KCNMA1: variants seen among roughly 807,000 people sequenced by gnomAD.
KCNMA1 encodes the protein potassium calcium-activated channel subfamily M alpha 1.
A neutral mutation model predicts 140.0 loss-of-function variants in KCNMA1; 29 were observed. That is an observed-to-expected ratio of 0.21 (90% CI 0.15 to 0.28). KCNMA1 has a LOEUF of 0.28. KCNMA1 is among the 10% of genes least tolerant of loss of function. The pLI is 1.00. For synonymous variants in KCNMA1, 612 were observed against 611.9 expected, an observed-to-expected ratio of 1.00 and a Z score of 0.00; for missense variants, 880 against 1,602.2, an observed-to-expected ratio of 0.55 and a Z score of 7.70.
At chr10:77,626,784 A>T (rs1054182763) in intron 1 of KCNMA1, among the ~76,000 whole-genome samples, 4 of 152,174 alleles carry the variant, frequency 2.6e-5, no homozygotes, top group African/African-American at 2.4e-5. Context: ...TGAAGAGCTA[A>T]AATTTTCCAA....
At position 77,629,451 on chromosome 10, in the gene KCNMA1, T is replaced by C. The variant is rs536639302; in HGVS notation, c.378+7814A>G. 3.3e-5 allele frequency among the ~76,000 whole-genome samples: 5 copies of C among 152,310 alleles called. No homozygotes were observed. The East Asian group carries it at 9.6e-4, about 29-fold the overall frequency. Reference sequence around the variant, plus strand: ...ATCTCTTTCACCAGGAGTTTCTCCATAGCATCTAACAAATTACCCAAAAAA... The same window carrying C: ...ATCTCTTTCACCAGGAGTTTCTCCACAGCATCTAACAAATTACCCAAAAAA... On this transcript the variant is annotated intron_variant, in intron 1 of 27. Coordinates refer to ENST00000286628, the MANE Select transcript of KCNMA1 (RefSeq NM_001161352.2).
At chr10:76,897,339 T>C (rs2043025196) in intron 25 of KCNMA1, among the ~76,000 whole-genome samples, 1 of 151,430 alleles carries the variant, frequency 6.6e-6, no homozygotes, top group Admixed American at 6.6e-5. Flanking sequence ...CTGTACTCGG[T>C]GAATATTTGA....
chr10:76,970,241 A>C, intron 19 of KCNMA1, 174 bp from the exon 20 acceptor site: 1 of 653,386 alleles, frequency 1.5e-6, no homozygotes, highest in Non-Finnish European at 2.8e-6. Flanking sequence ...GCCGGCTTAG[A>C]GAAGGTGAAG....
chr10:77,133,728 A>T (rs924461200), intron 5 of KCNMA1, among the ~76,000 whole-genome samples: 7 of 152,158 alleles, frequency 4.6e-5, no homozygotes, highest in Non-Finnish European at 7.4e-5. Flanking sequence ...CTTGGGATAT[A>T]TTCGTATCTA....
At chr10:77,112,904 C>A (rs1389293939) in intron 6 of KCNMA1, among the ~76,000 whole-genome samples, 6 of 151,862 alleles carry the variant, frequency 4.0e-5, no homozygotes, top group Non-Finnish European at 7.4e-5. Flanking sequence ...ATGGCACAAG[C>A]CCTAAATACT....
intron 1 of KCNMA1, among the ~76,000 whole-genome samples, chr10:77,450,533 C>A (rs1455382813): frequency 6.6e-6 from 1 of 152,130 alleles, no homozygotes; most frequent in Non-Finnish European, 1.5e-5. Flanking sequence ...ACATTGCTTT[C>A]TCTTTATAAT....
At chr10:77,168,919 T>C (rs770530015) in intron 5 of KCNMA1, among the ~76,000 whole-genome samples, 4 of 152,204 alleles carry the variant, frequency 2.6e-5, no homozygotes, top group Non-Finnish European at 5.9e-5. Flanking sequence ...ATCTTCTTCA[T>C]GTCATTGCCA....
intron 3 of KCNMA1, among the ~76,000 whole-genome samples, chr10:77,196,132 A>G (rs897097637): frequency 6.6e-6 from 1 of 151,946 alleles, no homozygotes; most frequent in Non-Finnish European, 1.5e-5. Flanking sequence ...ACTTCTCTAG[A>G]GATGTTATTC....
At position 77,572,569 on chromosome 10, in the gene KCNMA1, CATATATATATATATATATATAT is replaced by C. The variant is rs56706119; in HGVS notation, c.378+64674_378+64695del. Among the ~76,000 whole-genome samples, 105 of 37,562 alleles carry C rather than the reference CATATATATATATATATATATAT, an allele frequency of 2.8e-3. 5 individuals are homozygous for C. The highest frequency in any genetic ancestry group is 4.2e-3 in the Admixed American group (9 of 2,134). The allele number at this position is 37,562 out of a possible 152,430, so 24.6% of individuals were successfully genotyped here. On this transcript the variant is annotated intron_variant, in intron 1 of 27. Transcript: ENST00000286628. ...TGTCGCTCCAAAAAAAAAAAAAATCCATATATATATATATATATATATATATATATATATAAATTAGCTGGGC... is the reference window on the plus strand; with the variant it reads ...TGTCGCTCCAAAAAAAAAAAAAATCCATATATATATATAAATTAGCTGGGC...
intron 6 of KCNMA1, among the ~76,000 whole-genome samples, chr10:77,114,288 G>C (rs983377863): frequency 6.6e-6 from 1 of 152,142 alleles, no homozygotes; most frequent in Non-Finnish European, 1.5e-5. Context: ...AGGAGCCCTG[G>C]GTCCCTGGAG....
At chr10:76,951,359 A>C (rs1471834177) in intron 21 of KCNMA1, among the ~76,000 whole-genome samples, 1 of 152,118 alleles carries the variant, frequency 6.6e-6, no homozygotes, top group African/African-American at 2.4e-5. Context: ...ATGTATCTGG[A>C]ATTCCCATGC....
intron 2 of KCNMA1, among the ~76,000 whole-genome samples, chr10:77,305,664 T>A (rs961938886): frequency 2.0e-5 from 3 of 152,180 alleles, no homozygotes; most frequent in Admixed American, 6.5e-5. Flanking sequence ...TTTAAAACTA[T>A]GTCCAGGAGG....
At chr10:77,633,712 C>T (rs578169296) in intron 1 of KCNMA1, among the ~76,000 whole-genome samples, 1 of 152,302 alleles carries the variant, frequency 6.6e-6, no homozygotes, top group East Asian at 1.9e-4. Context: ...TCATTACACG[C>T]AGACCATCCT....
chr10:77,133,836 A>T (rs2097916051), intron 5 of KCNMA1, among the ~76,000 whole-genome samples: 1 of 152,168 alleles, frequency 6.6e-6, no homozygotes, highest in Admixed American at 6.5e-5. Flanking sequence ...TCAAAAACTG[A>T]CCACATATTA....
intron 27 of KCNMA1, among the ~76,000 whole-genome samples, chr10:76,889,079 A>AAAC: frequency 6.6e-6 from 1 of 151,904 alleles, no homozygotes; most frequent in Middle Eastern, 3.4e-3. Flanking sequence ...CAAACAAAAA[A>AAAC]CAAAAAAACA....
intron 14 of KCNMA1, among the ~76,000 whole-genome samples, chr10:77,047,944 G>A (rs2095168215): frequency 6.6e-6 from 1 of 151,814 alleles, no homozygotes; most frequent in African/African-American, 2.4e-5. Context: ...GAGGGACCAG[G>A]GTTTAGCTTT....
At chr10:76,991,999 C>T (rs10824482) in intron 19 of KCNMA1, among the ~76,000 whole-genome samples, 59,274 of 152,060 alleles carry the variant, frequency 0.39, 12,386 homozygotes, top group Admixed American at 0.49. Flanking sequence ...TCAGTGCAGT[C>T]GATCATCCCT....
intron 14 of KCNMA1, among the ~76,000 whole-genome samples, chr10:77,063,086 T>C (rs2095813971): frequency 6.6e-6 from 1 of 152,212 alleles, no homozygotes; most frequent in African/African-American, 2.4e-5. Flanking sequence ...TCTGGTTTCC[T>C]TGTGTATCTG....
chr10:77,217,427 G>A, intron 3 of KCNMA1: 1 of 444,716 alleles, frequency 2.2e-6, no homozygotes, highest in Non-Finnish European at 4.6e-6. Flanking sequence ...CTTCTCACAT[G>A]GCCAACTTCT....
Sources: gnomAD v4.1 joint callset for allele counts (sites outside exome capture counted in the v4.1 genomes callset) on GRCh38, gnomAD v4.1.1 for gene constraint, MANE v1.5 for transcripts, NCBI Gene and HGNC (gene_info 2026-07-23, HGNC 2026-07-21) for gene names.